The following CALCR variants were observed in gnomAD, a reference collection of about 807,000 sequenced individuals.
CALCR encodes calcitonin receptor.
In CALCR, 47 loss-of-function variants were observed where a neutral mutation model predicts 59.5. That is an observed-to-expected ratio of 0.79 (90% confidence interval 0.63 to 1.01). CALCR has a LOEUF of 1.01. Ranked by LOEUF, CALCR falls within the 50% of genes least tolerant of loss-of-function variation. CALCR has a pLI of 0.00. For missense variants in CALCR, 566 were observed against 597.1 expected (o/e 0.95, Z 0.54); for synonymous variants, 213 against 211.3 (o/e 1.01, Z -0.07).
chr7:93,477,622 G>C lies in CALCR; in HGVS notation c.252C>G (p.Asp84Glu). 1 of 1,611,548 alleles carries C rather than the reference G, an allele frequency of 6.2e-7. No individual in the cohort carries two copies. Among genetic ancestry groups the C allele is most frequent in the Non-Finnish European group, 8.5e-7 (1 of 1,178,472 alleles). ...RTWDGWLCWD[D>E]TPAGVLSYQF... is the part of the protein sequence containing the mutation. ...GATAGGACAATACTCCAGCCGGTGT[G>C]TCATCCCAGCACAGCCATCCATCCC... The change falls in exon 5 of 14, where the codon GAC becomes GAG. Residue 84 changes from aspartate to glutamate, a missense_variant. Physicochemically the swap from Asp to Glu is conservative, Grantham distance 45 (BLOSUM62 2). Transcript: ENST00000426151.
intron 2 of CALCR, among the ~76,000 whole-genome samples, chr7:93,536,293 G>A (rs1021102772): frequency 1.3e-5 from 2 of 151,694 alleles, no homozygotes; most frequent in African/African-American, 4.8e-5. Context: ...TTGTCACTAG[G>A]CCTAGCCATT....
intron 2 of CALCR, among the ~76,000 whole-genome samples, chr7:93,511,098 CAT>C (rs57221400): frequency 2.7e-5 from 4 of 150,444 alleles, no homozygotes; most frequent in South Asian, 2.1e-4. Flanking sequence ...TCTCTCTCTA[CAT>C]ATATATATAT....
intron 2 of CALCR, among the ~76,000 whole-genome samples, chr7:93,506,483 T>G (rs982565913): frequency 4.6e-5 from 7 of 152,270 alleles, no homozygotes; most frequent in African/African-American, 1.4e-4. Flanking sequence ...ATTTCCTTAA[T>G]GTCCTTCAAA....
intron 3 of CALCR, among the ~76,000 whole-genome samples, chr7:93,479,741 G>A (rs1221034112): frequency 8.4e-6 from 1 of 118,806 alleles, no homozygotes; most frequent in Non-Finnish European, 1.8e-5. Context: ...TATTGAAAAT[G>A]GATAACACCT....
At chr7:93,453,297 G>A (rs1176660145) in intron 8 of CALCR, among the ~76,000 whole-genome samples, 1 of 152,054 alleles carries the variant, frequency 6.6e-6, no homozygotes, top group African/African-American at 2.4e-5. Flanking sequence ...TTATGAGAAA[G>A]GTACTATTAT....
intron 2 of CALCR, among the ~76,000 whole-genome samples, chr7:93,553,821 T>A (rs563326048): frequency 3.9e-5 from 6 of 152,272 alleles, no homozygotes; most frequent in Admixed American, 1.3e-4. Context: ...TACAAAAGGA[T>A]GTCTGTGTGA....
chr7:93,452,890 G>C (rs1338936839), intron 8 of CALCR, among the ~76,000 whole-genome samples: 1 of 151,896 alleles, frequency 6.6e-6, no homozygotes, highest in Non-Finnish European at 1.5e-5. Context: ...TAACCACTTA[G>C]TACTCTTAGG....
intron 6 of CALCR, among the ~76,000 whole-genome samples, chr7:93,469,732 G>T (rs1024052465): frequency 1.3e-5 from 2 of 151,638 alleles, no homozygotes; most frequent in Non-Finnish European, 2.9e-5. Context: ...CATAATTTGT[G>T]TATTATTTTG....
intron 2 of CALCR, among the ~76,000 whole-genome samples, chr7:93,498,498 G>T (rs1414624426): frequency 6.6e-6 from 1 of 151,582 alleles, no homozygotes; most frequent in Non-Finnish European, 1.5e-5. Context: ...TATAGTATCG[G>T]AACTCTAATA....
chr7:93,539,706 G>A (rs1789081392), intron 2 of CALCR, among the ~76,000 whole-genome samples: 1 of 152,138 alleles, frequency 6.6e-6, no homozygotes, highest in South Asian at 2.1e-4. Flanking sequence ...TATGTAAAAG[G>A]TGGTTGCTGA....
chr7:93,477,961 C>CAAAAAAAAAAAAAAAAAAAAAAAA (rs71107894), intron 4 of CALCR, among the ~76,000 whole-genome samples: 1 of 54,400 alleles, frequency 1.8e-5, no homozygotes, highest in African/African-American at 7.1e-5. Flanking sequence ...GACCCTCTCT[C>CAAAAAAAAAAAAAAAAAAAAAAAA]AAAAAAAAAA....
chr7:93,443,565 G>A (rs1426918554), intron 9 of CALCR, 39 bp downstream of exon 9: 1 of 1,594,300 alleles, frequency 6.3e-7, no homozygotes, highest in Non-Finnish European at 8.6e-7. Context: ...ACAGACAGAG[G>A]TGAAAGTGAC....
chr7:93,470,275 A>ACACACACT (rs1800524602), intron 6 of CALCR, among the ~76,000 whole-genome samples: 1 of 151,558 alleles, frequency 6.6e-6, no homozygotes, highest in Non-Finnish European at 1.5e-5. Flanking sequence ...ACACACACAC[A>ACACACACT]CACACACACT....
At chr7:93,564,723 G>T (rs947043803) in intron 2 of CALCR, among the ~76,000 whole-genome samples, 2 of 151,760 alleles carry the variant, frequency 1.3e-5, no homozygotes, top group Non-Finnish European at 2.9e-5. Flanking sequence ...CAAAATACTG[G>T]GATTACAGGA....
chr7:93,518,839 C>T (rs1801699116), intron 2 of CALCR, among the ~76,000 whole-genome samples: 1 of 151,652 alleles, frequency 6.6e-6, no homozygotes, highest in African/African-American at 2.4e-5. Flanking sequence ...AGTTTTATGC[C>T]ATTCGTGTTT....
At chr7:93,495,725 G>A (rs1392037036) in intron 2 of CALCR, among the ~76,000 whole-genome samples, 1 of 151,286 alleles carries the variant, frequency 6.6e-6, no homozygotes, top group Non-Finnish European at 1.5e-5. Context: ...CAAAAACCTG[G>A]ACAGGAGCCC....
At chr7:93,559,380 T>A (rs1479609286) in intron 2 of CALCR, 1 of 152,110 alleles carries the variant, frequency 6.6e-6, no homozygotes, top group African/African-American at 2.4e-5. Flanking sequence ...CCAATCTGGT[T>A]TTTTGCAGCT....
chr7:93,477,560 G>C lies in CALCR; in HGVS notation c.314C>G (p.Ser105Ter), dbSNP rs1213389077. 1 of 1,595,186 alleles carries C rather than the reference G, an allele frequency of 6.3e-7. No homozygotes were observed. Among genetic ancestry groups the C allele is most frequent in the East Asian group, 2.2e-5 (1 of 44,544 alleles). Reference protein sequence around the residue: ...CPDYFPDFDPSEKVTKYCDEK... With the variant: ...CPDYFPDFDP ...TAAAATGAAAATAAACACTCTACCT[G>C]ATGGATCAAAATCCGGAAAATAATC... The change falls in exon 5 of 14, where the codon TCA becomes TGA. Residue 105 changes from serine to a stop codon, truncating the protein, a stop_gained and splice_region_variant. Coordinates refer to ENST00000426151, the MANE Select transcript of CALCR (RefSeq NM_001742.4). LOFTEE classifies it high-confidence loss of function.
chr7:93,446,201 C>T (rs561803527), intron 8 of CALCR, among the ~76,000 whole-genome samples: 29 of 152,070 alleles, frequency 1.9e-4, no homozygotes, highest in African/African-American at 6.7e-4. Flanking sequence ...TGCTTGGAGG[C>T]TAAAGGCCTC....
Sources: gnomAD v4.1 joint callset for allele counts (sites outside exome capture counted in the v4.1 genomes callset) on GRCh38, gnomAD v4.1.1 for gene constraint, MANE v1.5 for transcripts, NCBI Gene and HGNC (gene_info 2026-07-23, HGNC 2026-07-21) for gene names.